Variants in ECHDC1 observed in about 807,000 individuals in gnomAD.
ECHDC1 encodes ethylmalonyl-CoA decarboxylase.
Under a neutral mutation model 29.7 loss-of-function variants are expected in ECHDC1, and 29 were observed. The observed-to-expected ratio is 0.98, with a 90% CI of 0.73 to 1.33. ECHDC1 has a LOEUF of 1.33. Among genes scored for constraint, ECHDC1 ranks in the 40% most tolerant of loss-of-function variants. The pLI, the probability that ECHDC1 is intolerant of heterozygous loss-of-function variation, is 0.00. For missense variants in ECHDC1, 328 were observed against 350.0 expected, an observed-to-expected ratio of 0.94 and a Z score of 0.50; for synonymous variants, 126 against 123.1, an observed-to-expected ratio of 1.02 and a Z score of -0.15.
At chr6:127,308,224 T>A (rs1295983143) in intron 5 of ECHDC1, among the ~76,000 whole-genome samples, 2 of 152,128 alleles carry the variant, frequency 1.3e-5, no homozygotes, top group African/African-American at 2.4e-5. Flanking sequence ...ATATCTCCAA[T>A]GAATATTGGT....
intron 5 of ECHDC1, among the ~76,000 whole-genome samples, chr6:127,300,344 C>T (rs1430296991): frequency 2.6e-5 from 4 of 152,170 alleles, no homozygotes; most frequent in Non-Finnish European, 5.9e-5. Context: ...AAGAGATGAC[C>T]TAATCTCTGG....
At chr6:127,316,285 A>G (rs1782366873) in intron 4 of ECHDC1, 165 bp downstream of exon 4, 1 of 575,678 alleles carries the variant, frequency 1.7e-6, no homozygotes, top group Non-Finnish European at 3.1e-6. Context: ...CTTCATTAAC[A>G]TGTAATTAAA....
chr6:127,301,151 G>A (rs1562308769), intron 5 of ECHDC1, among the ~76,000 whole-genome samples: 1 of 151,950 alleles, frequency 6.6e-6, no homozygotes, highest in Non-Finnish European at 1.5e-5. Flanking sequence ...TTTTCTCTTG[G>A]AATATTTTAC....
chr6:127,332,789 T>G (rs1047342868), intron 1 of ECHDC1, among the ~76,000 whole-genome samples: 7 of 151,948 alleles, frequency 4.6e-5, no homozygotes, highest in Non-Finnish European at 1.0e-4. Context: ...ACTTGCTTTT[T>G]GGGGGCAGGG....
chr6:127,318,426 T>A (rs1782570656), intron 3 of ECHDC1, among the ~76,000 whole-genome samples: 1 of 152,232 alleles, frequency 6.6e-6, no homozygotes, highest in Non-Finnish European at 1.5e-5. Context: ...TTGTGTTGTA[T>A]GAATATGTGT....
At chr6:127,338,914 A>C (rs1400424295) in intron 1 of ECHDC1, among the ~76,000 whole-genome samples, 1 of 152,196 alleles carries the variant, frequency 6.6e-6, no homozygotes, top group Non-Finnish European at 1.5e-5. Context: ...TAACCTAGAT[A>C]ATGCATCCAC....
intron 1 of ECHDC1, among the ~76,000 whole-genome samples, chr6:127,341,071 G>C (rs887242752): frequency 3.9e-5 from 6 of 152,118 alleles, no homozygotes; most frequent in African/African-American, 1.4e-4. Flanking sequence ...TCACTGAAAT[G>C]CCAATTTTTC....
Position 127,303,980 on chromosome 6 carries a change from AG to A in ECHDC1, c.497+10835del, listed in dbSNP as rs565477651. 4.6e-3 allele frequency among the ~76,000 whole-genome samples: 699 copies of A among 152,308 alleles called. 2 individuals are homozygous for A. The highest frequency in any genetic ancestry group is 9.2e-3 in the Admixed American group (141 of 15,286). ...AGTCTAGTGGAAATCACCACCCTGC[AG>A]GGAAGAACACAGGCCTGGATGGCTT... On this transcript the variant is annotated intron_variant, in intron 5 of 5. Transcript: ENST00000454859.
At position 127,289,907 on chromosome 6, in the gene ECHDC1, A is replaced by G. The variant is rs780073180; in HGVS notation, c.868T>C (p.Leu290=). 3 of 1,611,768 alleles carry G rather than the reference A, an allele frequency of 1.9e-6. No individual in the cohort carries two copies. In the African/African-American group the frequency reaches 4.0e-5, roughly 22 times the overall value. ...TTTCCTTTCTTAGCAATAGCCTCTA[A>G]ATTTGCAGGCCCACCCCAAACTGTT... ...LGTVWGGPAN[L]EAIAKKGKFN... is the part of the protein sequence containing the mutation. The change falls in exon 6 of 6, where the codon TTA becomes CTA. Residue 290 remains leucine (L), a synonymous_variant. Coordinates refer to ENST00000454859, the MANE Select transcript of ECHDC1 (RefSeq NM_001002030.2).
intron 5 of ECHDC1, among the ~76,000 whole-genome samples, chr6:127,308,006 C>T (rs1335051786): frequency 1.3e-5 from 2 of 152,018 alleles, no homozygotes; most frequent in Admixed American, 1.3e-4. Context: ...AATAAAAAGT[C>T]TCCCAGTAAA....
chr6:127,333,086 C>T (rs745497639), intron 1 of ECHDC1, among the ~76,000 whole-genome samples: 37 of 152,278 alleles, frequency 2.4e-4, no homozygotes, highest in Non-Finnish European at 4.7e-4. Flanking sequence ...AGCCACCACG[C>T]CCAGCCCAGA....
intron 3 of ECHDC1, among the ~76,000 whole-genome samples, chr6:127,320,890 A>G (rs983056742): frequency 1.3e-5 from 2 of 152,098 alleles, no homozygotes; most frequent in African/African-American, 4.8e-5. Flanking sequence ...GGGATCAGTT[A>G]CACTTAAAAG....
intron 5 of ECHDC1, among the ~76,000 whole-genome samples, chr6:127,296,256 C>G (rs1177558429): frequency 6.6e-6 from 1 of 152,056 alleles, no homozygotes; most frequent in Non-Finnish European, 1.5e-5. Flanking sequence ...TGCAGTGGCA[C>G]GATCTTGGCT....
At chr6:127,315,172 A>C in intron 4 of ECHDC1, 2 of 566,906 alleles carry the variant, frequency 3.5e-6, no homozygotes, top group Non-Finnish European at 6.6e-6. Flanking sequence ...CTATAGCCAT[A>C]TTGTAACTTA....
rs1582916604 is a variant in ECHDC1, at chr6:127,290,198, G to C, written c.577C>G (p.Leu193Val). 1.2e-6 allele frequency: 2 copies of C among 1,613,576 alleles called. No homozygotes were observed. Among genetic ancestry groups the C allele is most frequent in the South Asian group, 1.1e-5 (1 of 91,066 alleles). ...IIPSWGGTTR[L>V]VEIIGSRQAL... ...TGTCTACTTCCGATTATTTCAACTAGCCGGGTGGTGCCACCCCAGCTTGGT... is the reference window on the plus strand; with the variant it reads ...TGTCTACTTCCGATTATTTCAACTACCCGGGTGGTGCCACCCCAGCTTGGT... Residue 193 changes from leucine to valine, a missense_variant, in exon 6 of 6, where the codon CTA becomes GTA. Physicochemically the swap from Leu to Val is conservative, Grantham distance 32. Transcript: ENST00000454859.
At chr6:127,303,933 C>T (rs967840489) in intron 5 of ECHDC1, among the ~76,000 whole-genome samples, 1 of 152,176 alleles carries the variant, frequency 6.6e-6, no homozygotes, top group Admixed American at 6.5e-5. Context: ...GGCTCCCAGA[C>T]AGCACCTCTG....
intron 5 of ECHDC1, among the ~76,000 whole-genome samples, chr6:127,296,257 G>A (rs963292917): frequency 2.6e-5 from 4 of 152,130 alleles, no homozygotes; most frequent in Admixed American, 6.5e-5. Context: ...GCAGTGGCAC[G>A]ATCTTGGCTC....
chr6:127,290,589 A>G (rs1780079453), intron 5 of ECHDC1, among the ~76,000 whole-genome samples: 1 of 152,078 alleles, frequency 6.6e-6, no homozygotes. Flanking sequence ...ATCAAGTGAA[A>G]GTATGGGAGT....
intron 1 of ECHDC1, among the ~76,000 whole-genome samples, chr6:127,335,852 T>C (rs999288768): frequency 6.6e-6 from 1 of 152,130 alleles, no homozygotes; most frequent in African/African-American, 2.4e-5. Flanking sequence ...GGCAATTCCA[T>C]ACTCCTTTTC....
Sources: allele counts gnomAD v4.1 joint callset (sites outside exome capture counted in the v4.1 genomes callset), GRCh38; gene constraint gnomAD v4.1.1; transcripts MANE v1.5; gene names NCBI Gene and HGNC (gene_info 2026-07-23, HGNC 2026-07-21).